The following MAX variants were observed in gnomAD, a reference collection of about 807,000 sequenced individuals.
The protein encoded by MAX is MYC associated transcriptional regulator X.
MAX carries 3 observed loss-of-function variants against 22.3 expected under a neutral mutation model. That is an observed-to-expected ratio of 0.13 (90% CI 0.06 to 0.35). MAX has a LOEUF of 0.35. Ranked by LOEUF, MAX falls within the 10% of genes least tolerant of loss-of-function variation. The pLI is 1.00. For missense variants in MAX, 119 were observed against 209.4 expected (o/e 0.57, Z 2.66); for synonymous variants, 72 against 77.7 (o/e 0.93, Z 0.39).
chr14:65,022,136 T>C (rs1461326102), intron 3 of MAX: 2 of 452,464 alleles, frequency 4.4e-6, no homozygotes, highest in East Asian at 1.4e-4. Context: ...AGATTTCCTC[T>C]TCACTATATC....
rs2063074994 is a variant in MAX at position 65,076,951 on chromosome 14, C to G, written c.296-288G>C. 1.8e-6 allele frequency: 1 copy of G among 566,634 alleles called. No individual in the cohort carries two copies. The highest frequency in any genetic ancestry group is 3.2e-6 in the Non-Finnish European group (1 of 317,006). 35.1% of individuals were successfully genotyped at this position (566,634 alleles called of 1,614,324 possible). On this transcript the variant is annotated intron_variant, in intron 4 of 4. Transcript: ENST00000358664. This position sits in a 1 kb window ranked among gnomAD's most constrained non-coding sequence, Gnocchi z 6.6. ...CTGCCGTGGAAGCCCCGTGGAGAGA[C>G]TGGAGCGTGAGCTCCCTGTGGGATT...
intron 3 of MAX, among the ~76,000 whole-genome samples, chr14:65,041,740 T>A (rs1464166948): frequency 6.6e-6 from 1 of 152,182 alleles, no homozygotes; most frequent in Non-Finnish European, 1.5e-5. Context: ...CGGTGTAGTC[T>A]TTTTAAAGAT....
intron 2 of MAX, among the ~76,000 whole-genome samples, chr14:65,100,860 C>G (rs1340592716): frequency 6.6e-6 from 1 of 152,210 alleles, no homozygotes; most frequent in Admixed American, 6.5e-5. Flanking sequence ...ATATCAAAAC[C>G]CTAAGAAATT....
intron 3 of MAX, chr14:65,090,048 C>A (rs1255431832): frequency 6.6e-6 from 1 of 152,148 alleles, no homozygotes; most frequent in Non-Finnish European, 1.5e-5. Context: ...GAGCTCAGAG[C>A]AACTATGTGA....
In MAX at chr14:65,082,856, G is replaced by A. The variant is rs2063233700; in HGVS notation, c.172-4820C>T. ...TTTTCTTTCTATTTTAAAGACAGGTGAGAACTAAACAGGCTTCTAGCAGAA... is the reference window on the plus strand; with the variant it reads ...TTTTCTTTCTATTTTAAAGACAGGTAAGAACTAAACAGGCTTCTAGCAGAA... On this transcript the variant is annotated intron_variant, in intron 3 of 4. Transcript: ENST00000358664. The surrounding 1 kb of genome is among the most constrained non-coding windows in gnomAD (Gnocchi z 4.8). Among the ~76,000 whole-genome samples the A allele has an allele frequency of 6.6e-6, 1 of 152,144 alleles. No homozygotes were observed. The highest frequency in any genetic ancestry group is 1.5e-5 in the Non-Finnish European group (1 of 68,038).
In MAX at chr14:65,075,345, C is replaced by A. The variant is rs1049158074; in HGVS notation, c.*1131G>T. ...AGGCCTAAACACACAAAACCCTTCA[C>A]TGGCATCTGCTGACCACAGCCAGAA... On this transcript the variant is annotated 3_prime_UTR_variant, in exon 5 of 5. Transcript: ENST00000358664. The surrounding 1 kb of genome is among the most constrained non-coding windows in gnomAD (Gnocchi z 4.1). 15 of 1,063,608 alleles carry A rather than the reference C, an allele frequency of 1.4e-5. No individual in the cohort carries two copies. The African/African-American group carries it at 2.5e-4, about 17-fold the overall frequency. 65.9% of individuals were successfully genotyped at this position (1,063,608 alleles called of 1,614,324 possible).
intron 3 of MAX, among the ~76,000 whole-genome samples, chr14:65,089,075 G>C (rs1359437088): frequency 2.0e-5 from 3 of 152,196 alleles, no homozygotes; most frequent in Non-Finnish European, 2.9e-5. Context: ...AACAGAGCAA[G>C]ACCCTCAAGG....
rs2062062024 is a variant in MAX, at chr14:65,030,613, G to A, written c.172-24329C>T. The stretch of plus-strand genomic sequence containing the variant: ...AAAAATTAGCCAGGTGTGGTGGCAT[G>A]CATCTGTAGCCTCAGCTGCTTAGGA... On this transcript the variant is annotated intron_variant, in intron 3 of 3. Transcript: ENST00000341653. The surrounding 1 kb of genome is among the most constrained non-coding windows in gnomAD (Gnocchi z 4.5). Among the ~76,000 whole-genome samples the A allele has an allele frequency of 6.6e-6, 1 of 152,008 alleles. No individual in the cohort carries two copies. Among genetic ancestry groups the A allele is most frequent in the Non-Finnish European group, 1.5e-5 (1 of 67,986 alleles).
chr14:65,083,236 C>G (rs1168276713), intron 3 of MAX, among the ~76,000 whole-genome samples: 1 of 152,146 alleles, frequency 6.6e-6, no homozygotes, highest in Non-Finnish European at 1.5e-5. Context: ...ATCCACCCAC[C>G]CCACACATCA....
intron 3 of MAX, among the ~76,000 whole-genome samples, chr14:65,024,807 T>TG (rs1017389104): frequency 5.7e-4 from 86 of 152,190 alleles, no homozygotes; most frequent in African/African-American, 2.1e-3. Flanking sequence ...TTTGTAGAGC[T>TG]GGGGTCTCAC....
Position 65,077,773 on chromosome 14 carries a change from C to T in MAX, c.295+140G>A, listed in dbSNP as rs750128922. On this transcript the variant is annotated intron_variant, in intron 4 of 4. Transcript: ENST00000358664. The surrounding 1 kb of genome is among the most constrained non-coding windows in gnomAD (Gnocchi z 6.3). Reference sequence around the variant, plus strand: ...TCAGGACGGCTCTAACACTCAGTTACTCAGGCCCCAAGAAGCAGGACCAAG... The same window carrying T: ...TCAGGACGGCTCTAACACTCAGTTATTCAGGCCCCAAGAAGCAGGACCAAG... The T allele has an allele frequency of 1.9e-6, 3 of 1,613,544 alleles. No individual in the cohort carries two copies. Among genetic ancestry groups the T allele is most frequent in the South Asian group, 1.1e-5 (1 of 91,042 alleles).
In MAX at chr14:65,012,274, C is replaced by T. The variant is rs1555390879; in HGVS notation, c.172-5990G>A. 1 of 1,610,704 alleles carries T rather than the reference C, an allele frequency of 6.2e-7. No individual in the cohort carries two copies. The highest frequency in any genetic ancestry group is 2.2e-5 in the East Asian group (1 of 44,830). ...TGCACATACGTGTGTATGGTGGAAG[C>T]ATAAGCTATTAGAATGGGCTTATAA... On this transcript the variant is annotated intron_variant, in intron 3 of 3. Transcript: ENST00000341653. The surrounding 1 kb of genome is among the most constrained non-coding windows in gnomAD (Gnocchi z 5.0).
chr14:65,083,290 A>G (rs1378458814), intron 3 of MAX, among the ~76,000 whole-genome samples: 1 of 152,212 alleles, frequency 6.6e-6, no homozygotes, highest in Non-Finnish European at 1.5e-5. Flanking sequence ...CTCAGACCCA[A>G]AAGACTTGGA....
chr14:65,077,350 T>C lies in MAX; in HGVS notation c.295+563A>G. The C allele has an allele frequency of 6.2e-7, 1 of 1,610,704 alleles. No homozygotes were observed. The highest frequency in any genetic ancestry group is 8.5e-7 in the Non-Finnish European group (1 of 1,176,856). On this transcript the variant is annotated intron_variant, in intron 4 of 4. Coordinates refer to ENST00000358664, the MANE Select transcript of MAX (RefSeq NM_002382.5). The surrounding 1 kb of genome is among the most constrained non-coding windows in gnomAD (Gnocchi z 6.3). ...AACCCAGGTGGTTACTTGCATTTCC[T>C]TTTACTTGCATCTTCCATGAGGGAG...
chr14:65,036,435 C>T (rs1312729517), intron 3 of MAX, among the ~76,000 whole-genome samples: 2 of 151,794 alleles, frequency 1.3e-5, no homozygotes, highest in African/African-American at 4.8e-5. Context: ...CGGGGTTTTC[C>T]CATGTTGCCC....
chr14:65,067,625 G>GT (rs201195408), intron 3 of MAX, among the ~76,000 whole-genome samples: 12,423 of 140,478 alleles, frequency 0.088, 1,103 homozygotes, highest in African/African-American at 0.23. Flanking sequence ...ATGGGTTTAT[G>GT]TTTTTTTTTT....
chr14:65,076,094 G>A lies in MAX; in HGVS notation c.*382C>T. ...GGCGGGCCAGGAGGCCACCTGGGCA[G>A]GGCAGGCGTCCCCCGGGCATGTGCC... On this transcript the variant is annotated 3_prime_UTR_variant, in exon 5 of 5. Coordinates refer to ENST00000358664, the MANE Select transcript of MAX (RefSeq NM_002382.5). The surrounding 1 kb of genome is among the most constrained non-coding windows in gnomAD (Gnocchi z 6.6). The A allele has an allele frequency of 7.9e-7, 1 of 1,264,850 alleles. No individual in the cohort carries two copies. Among genetic ancestry groups the A allele is most frequent in the East Asian group, 3.5e-5 (1 of 28,674 alleles). 78.4% of individuals were successfully genotyped at this position (1,264,850 alleles called of 1,614,324 possible). A position where few individuals can be genotyped will look rare whatever the true frequency, so the allele number is the denominator to read the frequency against.
At chr14:65,100,699 T>C (rs2063806520) in intron 2 of MAX, among the ~76,000 whole-genome samples, 1 of 152,214 alleles carries the variant, frequency 6.6e-6, no homozygotes, top group Non-Finnish European at 1.5e-5. Flanking sequence ...GATATACTTA[T>C]TTCTCTTCCC....
In MAX at chr14:65,075,157, T is replaced by C; in HGVS notation, c.*1319A>G. On this transcript the variant is annotated 3_prime_UTR_variant, in exon 5 of 5. Coordinates refer to ENST00000358664, the MANE Select transcript of MAX (RefSeq NM_002382.5). This position sits in a 1 kb window ranked among gnomAD's most constrained non-coding sequence, Gnocchi z 4.1. ...TAAAATAAGTTTTTATTTATAGTCT[T>C]ATAGTAAAGGGGGAAGCCTTAACTT... The C allele has an allele frequency of 9.7e-7, 1 of 1,027,922 alleles. No individual in the cohort carries two copies. The highest frequency in any genetic ancestry group is 1.2e-6 in the Non-Finnish European group (1 of 855,578). 63.7% of individuals were successfully genotyped at this position (1,027,922 alleles called of 1,614,324 possible). A position where few individuals can be genotyped will look rare whatever the true frequency, so the allele number is the denominator to read the frequency against.
Sources: allele counts gnomAD v4.1 joint callset (sites outside exome capture counted in the v4.1 genomes callset), GRCh38; gene constraint gnomAD v4.1.1; non-coding constraint Gnocchi (gnomAD v3.1); transcripts MANE v1.5; gene names NCBI Gene and HGNC (gene_info 2026-07-23, HGNC 2026-07-21).